ALKBH5: variants seen among roughly 807,000 people sequenced by gnomAD.
The protein encoded by ALKBH5 is alkB homolog 5, RNA demethylase.
ALKBH5 carries 2 observed loss-of-function variants against 32.1 expected under a neutral mutation model. The observed-to-expected ratio is 0.06, with a 90% CI of 0.03 to 0.20. The LOEUF is 0.20. Ranked by LOEUF, ALKBH5 falls within the 10% of genes least tolerant of loss-of-function variation. The pLI is 1.00. For missense variants in ALKBH5, 352 were observed against 559.5 expected (o/e 0.63, Z 3.74); for synonymous variants, 300 against 231.7 (o/e 1.29, Z -2.68).
Position 18,186,062 on chromosome 17 carries a change from C to G in ALKBH5, c.770+1049C>G, listed in dbSNP as rs530803700. Among the ~76,000 whole-genome samples the G allele has an allele frequency of 1.2e-4, 18 of 152,264 alleles. No individual in the cohort carries two copies. In the East Asian group the frequency reaches 3.1e-3, roughly 26 times the overall value. On this transcript the variant is annotated intron_variant, in intron 1 of 3. Coordinates refer to ENST00000399138, the MANE Select transcript of ALKBH5 (RefSeq NM_017758.4). ...CCAAAGTCATGAGGAGAAGCAGGGT[C>G]CCTGGAGCCTTCTTGATATGAGATT...
At chr17:18,197,018 A>G (rs750117455) in intron 2 of ALKBH5, among the ~76,000 whole-genome samples, 23 of 152,226 alleles carry the variant, frequency 1.5e-4, no homozygotes, top group South Asian at 2.1e-4. Flanking sequence ...TAACTTTGGC[A>G]TCCTGGTCCT....
At chr17:18,191,283 C>T (rs2047173041) in intron 1 of ALKBH5, among the ~76,000 whole-genome samples, 1 of 152,150 alleles carries the variant, frequency 6.6e-6, no homozygotes, top group Non-Finnish European at 1.5e-5. Context: ...AGGAAAGGGT[C>T]AGTGGGCTGT....
chr17:18,200,694 A>G (rs770849849), intron 2 of ALKBH5, among the ~76,000 whole-genome samples: 1 of 152,228 alleles, frequency 6.6e-6, no homozygotes, highest in African/African-American at 2.4e-5. Flanking sequence ...GGCTTTCCAG[A>G]TAAGTGCCAC....
At position 18,206,837 on chromosome 17, in the gene ALKBH5, T is replaced by A. The variant is rs2047271476; in HGVS notation, c.874T>A (p.Leu292Met). 1 of 1,614,176 alleles carries A rather than the reference T, an allele frequency of 6.2e-7. No individual in the cohort carries two copies. The highest frequency in any genetic ancestry group is 8.5e-7 in the Non-Finnish European group (1 of 1,180,026). Reference protein sequence around the residue: ...LRKTRLDAPRLETKSLSSSVL... With the variant: ...LRKTRLDAPRMETKSLSSSVL... ...CAGGACAAGATTAGATGCACCCCGG[T>A]TGGAAACAAAGTCCCTGAGCAGCTC... Residue 292 changes from leucine to methionine, a missense_variant, in exon 3 of 4, where the codon TTG (leucine) becomes ATG (methionine). Around this residue, in one of 4 missense-constraint regions of ALKBH5, gnomAD observed 124 missense variants for 142.4 expected, o/e 0.87. Transcript: ENST00000399138.
At chr17:18,200,112 ATT>A (rs11393364) in intron 2 of ALKBH5, among the ~76,000 whole-genome samples, 2 of 135,532 alleles carry the variant, frequency 1.5e-5, no homozygotes, top group Non-Finnish European at 1.6e-5. Flanking sequence ...AAAAAAAAAA[ATT>A]TTTTTTTTTT....
intron 1 of ALKBH5, among the ~76,000 whole-genome samples, chr17:18,185,385 A>G (rs1327934346): frequency 7.8e-6 from 1 of 128,978 alleles, no homozygotes; most frequent in Non-Finnish European, 1.7e-5. Context: ...TTACAAATCT[A>G]TGCTTTAAAA....
chr17:18,206,094 C>A (rs543020784), intron 2 of ALKBH5, among the ~76,000 whole-genome samples: 2 of 152,150 alleles, frequency 1.3e-5, no homozygotes, highest in Non-Finnish European at 2.9e-5. Flanking sequence ...CCTGAGTTAC[C>A]GCTACCCAGC....
chr17:18,206,847 A>T lies in ALKBH5; in HGVS notation c.884A>T (p.Lys295Met). The change falls in exon 3 of 4, where the codon AAG becomes ATG. Residue 295 changes from lysine (K) to methionine (M), a missense_variant. Lys to Met is a moderately conservative substitution (Grantham distance 95). Transcript: ENST00000399138. The part of the protein sequence containing the change: ...TRLDAPRLET[K>M]SLSSSVLPPS... ...TTAGATGCACCCCGGTTGGAAACAA[A>T]GTCCCTGAGCAGCTCCGTGTTACCA... 6.2e-7 allele frequency: 1 copy of T among 1,614,242 alleles called. No individual in the cohort carries two copies. The highest frequency in any genetic ancestry group is 8.5e-7 in the Non-Finnish European group (1 of 1,180,036).
chr17:18,187,855 T>C (rs535240205), intron 1 of ALKBH5, among the ~76,000 whole-genome samples: 44 of 152,330 alleles, frequency 2.9e-4, no homozygotes, highest in African/African-American at 9.9e-4. Context: ...GGAGGGATTC[T>C]AGTAGTAGGC....
At chr17:18,202,242 A>G (rs1292004900) in intron 2 of ALKBH5, among the ~76,000 whole-genome samples, 1 of 152,080 alleles carries the variant, frequency 6.6e-6, no homozygotes, top group African/African-American at 2.4e-5. Flanking sequence ...CAGGAGGCGG[A>G]GGTTGCAGTG....
intron 2 of ALKBH5, among the ~76,000 whole-genome samples, chr17:18,200,730 C>T (rs2047231635): frequency 6.6e-6 from 1 of 152,196 alleles, no homozygotes; most frequent in Non-Finnish European, 1.5e-5. Flanking sequence ...GATGCTTGGA[C>T]CTTAGCCAGC....
intron 1 of ALKBH5, among the ~76,000 whole-genome samples, chr17:18,194,439 C>T (rs572786557): frequency 6.6e-6 from 1 of 152,314 alleles, no homozygotes; most frequent in South Asian, 2.1e-4. Flanking sequence ...CAGGCATGAG[C>T]CATCACGCCC....
rs1264787930 is a variant in ALKBH5, at chr17:18,184,831, G to A, written c.588G>A (p.Gln196=). 1 of 1,614,150 alleles carries A rather than the reference G, an allele frequency of 6.2e-7. No individual in the cohort carries two copies. The highest frequency in any genetic ancestry group is 1.3e-5 in the African/African-American group (1 of 75,070). ...FVNSAVINDY[Q]PGGCIVSHVD... ...ACAGCGCCGTCATCAACGACTACCA[G>A]CCCGGCGGCTGCATCGTGTCTCACG... Residue 196 remains glutamine, a synonymous_variant, in exon 1 of 4, where the codon CAG becomes CAA. Coordinates refer to ENST00000399138, the MANE Select transcript of ALKBH5 (RefSeq NM_017758.4).
At chr17:18,186,932 TGTG>T (rs1489442984) in intron 1 of ALKBH5, among the ~76,000 whole-genome samples, 3 of 152,254 alleles carry the variant, frequency 2.0e-5, no homozygotes, top group South Asian at 2.1e-4. Context: ...TAGAATTAAA[TGTG>T]GTGATTTGTT....
intron 2 of ALKBH5, among the ~76,000 whole-genome samples, chr17:18,202,388 G>A (rs535460261): frequency 6.6e-5 from 10 of 152,228 alleles, no homozygotes; most frequent in East Asian, 3.9e-4. Context: ...GGAGAGTCCC[G>A]TGAGGGGAGT....
Position 18,184,478 on chromosome 17 carries a change from G to A in ALKBH5, c.235G>A (p.Glu79Lys), listed in dbSNP as rs1388179496. 3 of 1,612,760 alleles carry A rather than the reference G, an allele frequency of 1.9e-6. No homozygotes were observed. Among genetic ancestry groups the A allele is most frequent in the South Asian group, 1.1e-5 (1 of 91,066 alleles). Reference protein sequence around the residue: ...SDYEEQQLQKEEEARKVKSGI... With the variant: ...SDYEEQQLQKKEEARKVKSGI... Reference sequence around the variant, plus strand: ...CTATGAGGAGCAGCAGCTGCAGAAGGAGGAGGAGGCGCGCAAGGTGAAGAG... The same window carrying A: ...CTATGAGGAGCAGCAGCTGCAGAAGAAGGAGGAGGCGCGCAAGGTGAAGAG... Residue 79 changes from glutamate (E) to lysine (K), a missense_variant, in exon 1 of 4, where the codon GAG becomes AAG. Physicochemically the swap from Glu to Lys is moderately conservative, Grantham distance 56. Transcript: ENST00000399138.
chr17:18,202,613 G>A (rs947262368), intron 2 of ALKBH5, among the ~76,000 whole-genome samples: 8 of 152,122 alleles, frequency 5.3e-5, no homozygotes, highest in South Asian at 2.1e-4. Context: ...GGTGCCAGAC[G>A]TTGGAGAGTA....
chr17:18,201,745 A>AGATG (rs2047237131), intron 2 of ALKBH5, among the ~76,000 whole-genome samples: 1 of 61,674 alleles, frequency 1.6e-5, no homozygotes, highest in Non-Finnish European at 3.5e-5. Context: ...ACTCCATCTT[A>AGATG]GATAGATAGA....
intron 1 of ALKBH5, among the ~76,000 whole-genome samples, chr17:18,185,395 ATT>A (rs11334462): frequency 8.0e-4 from 119 of 149,030 alleles, no homozygotes; most frequent in African/African-American, 2.0e-3. Flanking sequence ...ATGCTTTAAA[ATT>A]TTTTTTTTTT....
Sources: allele counts gnomAD v4.1 joint callset (sites outside exome capture counted in the v4.1 genomes callset), GRCh38; gene constraint gnomAD v4.1.1; regional missense constraint gnomAD v4.1.1; transcripts MANE v1.5; gene names NCBI Gene and HGNC (gene_info 2026-07-23, HGNC 2026-07-21).